The following OTUD7B variants were observed in gnomAD, a reference collection of about 807,000 sequenced individuals.
OTUD7B encodes the protein OTU domain-containing protein 7B.
A neutral mutation model predicts 82.2 loss-of-function variants in OTUD7B; 34 were observed. The observed-to-expected ratio is 0.41, with a 90% CI of 0.31 to 0.55. The LOEUF (loss-of-function observed/expected upper bound fraction) is 0.55. OTUD7B is among the 20% of genes least tolerant of loss of function. OTUD7B has a pLI of 0.20. For synonymous variants in OTUD7B, 398 were observed against 402.7 expected, an observed-to-expected ratio of 0.99 and a Z score of 0.14; for missense variants, 944 against 1,062.1, an observed-to-expected ratio of 0.89 and a Z score of 1.55.
chr1:149,993,635 G>C (rs1651742842), intron 1 of OTUD7B, among the ~76,000 whole-genome samples: 1 of 152,144 alleles, frequency 6.6e-6, no homozygotes, highest in Non-Finnish European at 1.5e-5. Context: ...TCAATCATCA[G>C]AAATTGACTG....
chr1:149,958,594 G>A (rs587756275), intron 7 of OTUD7B, among the ~76,000 whole-genome samples: 5 of 151,818 alleles, frequency 3.3e-5, no homozygotes, highest in East Asian at 1.9e-4. Context: ...GATTACAGGC[G>A]TGAGCCACTG....
chr1:150,043,966 A>G, the OTUD7B span, among the ~76,000 whole-genome samples: 1 of 152,020 alleles, frequency 6.6e-6, no homozygotes, highest in East Asian at 1.9e-4. Flanking sequence ...AAATTTTAAA[A>G]AATTATTCAG....
chr1:149,947,532 G>A (rs1357460945), intron 10 of OTUD7B, among the ~76,000 whole-genome samples, 197 bp from the exon 11 acceptor site: 2 of 152,144 alleles, frequency 1.3e-5, no homozygotes, highest in African/African-American at 2.4e-5. Flanking sequence ...AGCTGCAGCT[G>A]AGAATGGGTA....
rs1419825015 is a variant in OTUD7B at position 149,995,578 on chromosome 1, C to CA, written c.-67+14869dup. ...TGGGTGACAAAGCAAACCTCCACCT[C>CA]AAAAAAACAAAACAAAACAAAAAAA... On this transcript the variant is annotated intron_variant, in intron 1 of 11. Coordinates refer to ENST00000581312, the MANE Select transcript of OTUD7B (RefSeq NM_020205.4). 2.7e-4 allele frequency among the ~76,000 whole-genome samples: 17 copies of CA among 61,940 alleles called. 1 individual carries two copies. Among genetic ancestry groups the CA allele is most frequent in the South Asian group, 2.1e-3 (3 of 1,444 alleles). 40.6% of individuals were successfully genotyped at this position (61,940 alleles called of 152,430 possible).
At chr1:149,974,532 C>CTTTT (rs1650159050) in intron 2 of OTUD7B, among the ~76,000 whole-genome samples, 2 of 138,342 alleles carry the variant, frequency 1.4e-5, no homozygotes, top group Non-Finnish European at 3.0e-5. Context: ...TATTTTTCTT[C>CTTTT]TTTTTTTTTC....
chr1:150,057,317 T>C, the OTUD7B span, among the ~76,000 whole-genome samples: 1 of 152,216 alleles, frequency 6.6e-6, no homozygotes, highest in Non-Finnish European at 1.5e-5. Flanking sequence ...TGAAGGAAGT[T>C]TGGTAAAGAG....
Position 149,944,323 on chromosome 1 carries a change from GA to G in OTUD7B, c.2065del (p.Ser689ProfsTer139). ...AGTAAAGTCCCCAGGGTAGCCAGTG[GA>G]AAATGCCATTGCCCTGGACTCTGCT... Reference protein sequence around the residue: ...PPAESRAMAFSTGYPGDFTIP... With the variant: ...PPAESRAMAFXTGYPGDFTIP... On this transcript the variant is annotated frameshift_variant, in exon 12 of 12. Coordinates refer to ENST00000581312, the MANE Select transcript of OTUD7B (RefSeq NM_020205.4). LOFTEE classifies it high-confidence loss of function. 2 of 1,611,492 alleles carry G rather than the reference GA, an allele frequency of 1.2e-6. No individual in the cohort carries two copies. Among genetic ancestry groups the G allele is most frequent in the Non-Finnish European group, 1.7e-6 (2 of 1,178,316 alleles).
chr1:149,996,948 A>T (rs587614810), intron 1 of OTUD7B, among the ~76,000 whole-genome samples: 1 of 152,332 alleles, frequency 6.6e-6, no homozygotes, highest in East Asian at 1.9e-4. Context: ...TAGAAGCTTA[A>T]TAACAGGCAC....
chr1:150,050,794 T>C, the OTUD7B span, among the ~76,000 whole-genome samples: 6 of 152,086 alleles, frequency 3.9e-5, no homozygotes, highest in South Asian at 8.3e-4. Flanking sequence ...GCCCTCTGTC[T>C]GAGTGCTGAA....
the OTUD7B span, among the ~76,000 whole-genome samples, chr1:150,029,264 T>C: frequency 1.3e-5 from 2 of 152,156 alleles, no homozygotes; most frequent in African/African-American, 4.8e-5. Flanking sequence ...GTTTCAGTGA[T>C]AAAACAACAA....
chr1:149,949,967 TA>T, intron 8 of OTUD7B, 126 bp downstream of exon 8: 3 of 1,387,256 alleles, frequency 2.2e-6, no homozygotes, highest in Non-Finnish European at 2.9e-6. Context: ...TGCACTATTC[TA>T]ATTGATAACT....
the OTUD7B span, among the ~76,000 whole-genome samples, chr1:150,017,090 C>T: frequency 6.6e-6 from 1 of 152,114 alleles, no homozygotes; most frequent in East Asian, 1.9e-4. Context: ...ATAAGTGAAC[C>T]GCTTAATCAA....
At chr1:150,006,601 C>G (rs782018064) in intron 1 of OTUD7B, among the ~76,000 whole-genome samples, 3 of 152,048 alleles carry the variant, frequency 2.0e-5, no homozygotes, top group African/African-American at 7.3e-5. Flanking sequence ...TGAAAATAAC[C>G]AGGAAATGTC....
At chr1:149,946,363 C>G (rs114956272) in intron 11 of OTUD7B, among the ~76,000 whole-genome samples, 3,377 of 151,984 alleles carry the variant, frequency 0.022, 133 homozygotes, top group African/African-American at 0.077. Context: ...GATTCCGTCT[C>G]AAAAAATATA....
At chr1:150,014,198 A>C (rs1653202815), upstream of OTUD7B, among the ~76,000 whole-genome samples, 1 of 137,878 alleles carries the variant, frequency 7.3e-6, no homozygotes, top group East Asian at 2.2e-4. Context: ...CAGGAGTTTG[A>C]GACCAGCCTG....
At chr1:149,996,261 G>A (rs1553783368) in intron 1 of OTUD7B, among the ~76,000 whole-genome samples, 1 of 152,240 alleles carries the variant, frequency 6.6e-6, no homozygotes, top group African/African-American at 2.4e-5. Flanking sequence ...GTACAAGTGA[G>A]TGGAGAGGGA....
At chr1:150,049,161 A>T in the OTUD7B span, among the ~76,000 whole-genome samples, 1 of 152,136 alleles carries the variant, frequency 6.6e-6, no homozygotes, top group African/African-American at 2.4e-5. Context: ...AGTAAACTTA[A>T]ATCAGTTCTG....
intron 10 of OTUD7B, among the ~76,000 whole-genome samples, chr1:149,948,133 C>A (rs782064408): frequency 1.3e-5 from 2 of 151,938 alleles, no homozygotes; most frequent in Non-Finnish European, 2.9e-5. Context: ...ACATGCACCA[C>A]CACGCCTGGC....
upstream of OTUD7B, among the ~76,000 whole-genome samples, chr1:150,014,686 C>T (rs147214245): frequency 1.7e-4 from 26 of 152,226 alleles, 1 homozygote; most frequent in East Asian, 5.0e-3. Flanking sequence ...ATCTTGGACT[C>T]ATTTGTGGTG....
Sources: gnomAD v4.1 joint callset for allele counts (sites outside exome capture counted in the v4.1 genomes callset) on GRCh38, gnomAD v4.1.1 for gene constraint, MANE v1.5 for transcripts, NCBI Gene and HGNC (gene_info 2026-07-23, HGNC 2026-07-21) for gene names.